Variants in USP10 observed in about 807,000 individuals in gnomAD.
USP10 encodes ubiquitin carboxyl-terminal hydrolase 10.
In USP10, 22 loss-of-function variants were observed where a neutral mutation model predicts 84.5. The ratio of observed to expected loss-of-function variants is 0.26; its 90% CI spans 0.19 to 0.37. USP10 has a LOEUF of 0.37. USP10 is among the 10% of genes least tolerant of loss of function. The pLI is 1.00. For missense variants in USP10, 1,019 were observed against 998.9 expected, an observed-to-expected ratio of 1.02 and a Z score of -0.27; for synonymous variants, 454 against 387.6, an observed-to-expected ratio of 1.17 and a Z score of -2.01.
chr16:84,777,600 C>T (rs1915151681), intron 13 of USP10, among the ~76,000 whole-genome samples: 1 of 152,198 alleles, frequency 6.6e-6, no homozygotes, highest in African/African-American at 2.4e-5. Context: ...GTTCAGTCTC[C>T]TCCGGGGTCC....
At position 84,778,847 on chromosome 16, in the gene USP10, C is replaced by T. The variant is rs778176458; in HGVS notation, c.2210-48C>T. 7.1e-6 allele frequency: 11 copies of T among 1,557,118 alleles called. No homozygotes were observed. The African/African-American group carries it at 1.4e-4, about 19-fold the overall frequency. On this transcript the variant is annotated intron_variant, in intron 13 of 13. Coordinates refer to ENST00000219473, the MANE Select transcript of USP10 (RefSeq NM_005153.3). ...AAGTCGGCGGAGACCTGTAATGATTCGTGTGCAGTGCTGTTCTCACTCTGC... is the reference window on the plus strand; with the variant it reads ...AAGTCGGCGGAGACCTGTAATGATTTGTGTGCAGTGCTGTTCTCACTCTGC...
intron 11 of USP10, among the ~76,000 whole-genome samples, chr16:84,771,360 G>A (rs1914429053): frequency 6.6e-6 from 1 of 151,962 alleles, no homozygotes; most frequent in Non-Finnish European, 1.5e-5. Flanking sequence ...AAGACCAGCT[G>A]GGCTCATGGC....
At chr16:84,766,621 C>T (rs1169511757) in intron 10 of USP10, among the ~76,000 whole-genome samples, 2 of 152,152 alleles carry the variant, frequency 1.3e-5, no homozygotes, top group Non-Finnish European at 1.5e-5. Context: ...TTCAAGGCCA[C>T]AGAGGGTCAG....
intron 13 of USP10, among the ~76,000 whole-genome samples, chr16:84,775,779 C>T (rs1256771842): frequency 2.0e-5 from 3 of 152,190 alleles, no homozygotes; most frequent in Admixed American, 1.3e-4. Flanking sequence ...ACCTTGAGAC[C>T]TCTTCTGTCT....
intron 12 of USP10, 74 bp downstream of exon 12, chr16:84,772,759 T>C: frequency 6.4e-7 from 1 of 1,562,566 alleles, no homozygotes. Flanking sequence ...CCTGTAGCAT[T>C]TCTTTATGAT....
rs755528568 is a variant in USP10 at position 84,733,265 on chromosome 16, T to C, written c.22-170T>C. 2.7e-4 allele frequency: 163 copies of C among 614,192 alleles called. 1 individual carries two copies. In the Middle Eastern group the frequency reaches 6.7e-3, roughly 25 times the overall value. 38.0% of individuals were successfully genotyped at this position (614,192 alleles called of 1,614,324 possible). On this transcript the variant is annotated intron_variant, in intron 1 of 13. Coordinates refer to ENST00000219473, the MANE Select transcript of USP10 (RefSeq NM_005153.3). ...AGGAAAGGTTCAGTAGTATTTCTTT[T>C]ATATAAACAACCTAGAACTCTGAGT...
intron 4 of USP10, among the ~76,000 whole-genome samples, chr16:84,751,901 A>G (rs1435966642): frequency 6.6e-6 from 1 of 152,234 alleles, no homozygotes; most frequent in Non-Finnish European, 1.5e-5. Flanking sequence ...AAATATGTGT[A>G]AGAATAATCA....
intron 1 of USP10, chr16:84,709,195 G>T (rs1332521567): frequency 6.6e-6 from 1 of 152,228 alleles, no homozygotes; most frequent in African/African-American, 2.4e-5. Context: ...GATAATCACA[G>T]TTACGTACAC....
chr16:84,741,989 T>C (rs1484346704), intron 3 of USP10, among the ~76,000 whole-genome samples: 4 of 152,218 alleles, frequency 2.6e-5, no homozygotes, highest in African/African-American at 9.6e-5. Context: ...TCCCACTACC[T>C]CCAGCTGCAG....
At position 84,745,057 on chromosome 16, in the gene USP10, G is replaced by C; in HGVS notation, c.576G>C (p.Glu192Asp). ...CAGTCCCGAACAGTGTCAGTGCAGAGGATGCAGAATTTATGGGTGACATGC... is the reference window on the plus strand; with the variant it reads ...CAGTCCCGAACAGTGTCAGTGCAGACGATGCAGAATTTATGGGTGACATGC... ...NSAVPNSVSA[E>D]DAEFMGDMPP... Residue 192 changes from glutamate (E) to aspartate (D), a missense_variant, in exon 4 of 14, where the codon GAG becomes GAC. This residue lies in a region of USP10 where 787 missense variants were observed against 708.8 expected (regional missense o/e 1.11). Coordinates refer to ENST00000219473, the MANE Select transcript of USP10 (RefSeq NM_005153.3). The C allele has an allele frequency of 6.2e-7, 1 of 1,613,722 alleles. No individual in the cohort carries two copies. Among genetic ancestry groups the C allele is most frequent in the Non-Finnish European group, 8.5e-7 (1 of 1,179,660 alleles).
intron 10 of USP10, among the ~76,000 whole-genome samples, chr16:84,764,467 G>A (rs1267731149): frequency 6.6e-6 from 1 of 152,170 alleles, no homozygotes; most frequent in African/African-American, 2.4e-5. Context: ...GCGCATGTCT[G>A]CAGGGGACAG....
At chr16:84,738,224 G>A (rs186245460) in intron 2 of USP10, among the ~76,000 whole-genome samples, 3 of 152,220 alleles carry the variant, frequency 2.0e-5, no homozygotes, top group Admixed American at 1.3e-4. Flanking sequence ...ATACTGGGAA[G>A]TGTGAAGAGA....
At chr16:84,769,895 C>T (rs921483836) in intron 11 of USP10, among the ~76,000 whole-genome samples, 7 of 152,040 alleles carry the variant, frequency 4.6e-5, no homozygotes, top group Non-Finnish European at 1.0e-4. Context: ...TGTTGTTAGA[C>T]GGTAGTGAAG....
chr16:84,772,418 A>G (rs1423703487), intron 11 of USP10, 123 bp from the exon 12 acceptor site: 6 of 1,359,890 alleles, frequency 4.4e-6, no homozygotes, highest in Non-Finnish European at 6.1e-6. Context: ...AAAGCCATGA[A>G]GTCCTGCCAC....
intron 1 of USP10, among the ~76,000 whole-genome samples, chr16:84,717,545 A>C (rs1472798364): frequency 6.6e-6 from 1 of 152,106 alleles, no homozygotes; most frequent in Admixed American, 6.5e-5. Flanking sequence ...CTTGGTGACA[A>C]GCTGTTTGGT....
At chr16:84,750,454 T>C (rs1911794426) in intron 4 of USP10, among the ~76,000 whole-genome samples, 1 of 151,372 alleles carries the variant, frequency 6.6e-6, no homozygotes. Flanking sequence ...TTGAAAGTAG[T>C]TGCAAAACGC....
At chr16:84,708,543 T>C (rs577488566) in intron 1 of USP10, among the ~76,000 whole-genome samples, 10 of 152,234 alleles carry the variant, frequency 6.6e-5, no homozygotes, top group Non-Finnish European at 1.3e-4. Context: ...TTTTTATTAG[T>C]TGGAGATTGG....
intron 1 of USP10, among the ~76,000 whole-genome samples, chr16:84,728,567 G>C (rs1908815000): frequency 6.6e-6 from 1 of 152,030 alleles, no homozygotes; most frequent in African/African-American, 2.4e-5. Flanking sequence ...CTGACCTCGT[G>C]ATCCGCCTGC....
chr16:84,743,355 A>G (rs1389869039), intron 3 of USP10, among the ~76,000 whole-genome samples: 1 of 152,126 alleles, frequency 6.6e-6, no homozygotes, highest in Non-Finnish European at 1.5e-5. Context: ...AAGCATACGA[A>G]GATTCAGGAG....
Sources: allele counts gnomAD v4.1 joint callset (sites outside exome capture counted in the v4.1 genomes callset), GRCh38; gene constraint gnomAD v4.1.1; regional missense constraint gnomAD v4.1.1; transcripts MANE v1.5; gene names NCBI Gene and HGNC (gene_info 2026-07-23, HGNC 2026-07-21).